Variants in AUTS2 observed in about 807,000 individuals in gnomAD.
AUTS2 encodes activator of transcription and developmental regulator AUTS2.
In AUTS2, 17 loss-of-function variants were observed where a neutral mutation model predicts 112.4. The ratio of observed to expected loss-of-function variants is 0.15; its 90% CI spans 0.10 to 0.23. AUTS2 has a LOEUF of 0.23. AUTS2 is among the 10% of genes least tolerant of loss of function. AUTS2 has a pLI of 1.00. For missense variants in AUTS2, 1,510 were observed against 1,701.6 expected (o/e 0.89, Z 1.98); for synonymous variants, 751 against 702.7 (o/e 1.07, Z -1.09).
In AUTS2 at chr7:69,745,006, TGAGAG is replaced by T. The variant is rs574805814; in HGVS notation, c.309+145050_309+145054del. ...TGCTGCAGTCCATTTGGCTGCTTCT[TGAGAG>T]GAGAGTCGTGGACCCCCTGAGGCCT... On this transcript the variant is annotated intron_variant, in intron 1 of 18. Transcript: ENST00000342771. Among the ~76,000 whole-genome samples the T allele has an allele frequency of 4.7e-3, 722 of 152,316 alleles. 2 individuals carry two copies. The highest frequency in any genetic ancestry group is 6.9e-3 in the Admixed American group (105 of 15,288).
chr7:70,012,571 C>T (rs1799853937), intron 2 of AUTS2, among the ~76,000 whole-genome samples: 1 of 152,140 alleles, frequency 6.6e-6, no homozygotes, highest in Non-Finnish European at 1.5e-5. Context: ...CTTATTTCCT[C>T]ATCTCTTTTT....
chr7:69,700,965 A>G (rs139570085), intron 1 of AUTS2, among the ~76,000 whole-genome samples: 26 of 152,320 alleles, frequency 1.7e-4, no homozygotes, highest in African/African-American at 6.0e-4. Context: ...CATGCCTTGA[A>G]GCTTTGTGTC....
At chr7:69,742,147 T>G (rs1242331192) in intron 1 of AUTS2, among the ~76,000 whole-genome samples, 1 of 147,316 alleles carries the variant, frequency 6.8e-6, no homozygotes, top group Non-Finnish European at 1.5e-5. Flanking sequence ...GGAGGGCAGA[T>G]GGTCTTTTAG....
chr7:70,052,329 A>C (rs1482080262), intron 2 of AUTS2, among the ~76,000 whole-genome samples: 2 of 152,098 alleles, frequency 1.3e-5, no homozygotes, highest in Non-Finnish European at 2.9e-5. Flanking sequence ...TTTCCTAGGT[A>C]ATTGGTTCTA....
At chr7:70,180,302 T>G (rs1809228187) in intron 4 of AUTS2, among the ~76,000 whole-genome samples, 1 of 152,208 alleles carries the variant, frequency 6.6e-6, no homozygotes, top group African/African-American at 2.4e-5. Flanking sequence ...TGGAAGAAAA[T>G]ACTTTATCAT....
intron 1 of AUTS2, among the ~76,000 whole-genome samples, chr7:69,779,050 TAAAAAAA>T (rs1554368326): frequency 3.5e-5 from 3 of 86,578 alleles, no homozygotes; most frequent in Admixed American, 1.3e-4. Flanking sequence ...TTTTTTTTTT[TAAAAAAA>T]AAAAAAAAAA....
chr7:70,259,164 G>A (rs1310307487), intron 4 of AUTS2, among the ~76,000 whole-genome samples: 2 of 152,170 alleles, frequency 1.3e-5, no homozygotes, highest in African/African-American at 2.4e-5. Context: ...TTCTGTCCAC[G>A]ATGCGAGCAT....
At chr7:70,032,078 A>G (rs913759078) in intron 2 of AUTS2, among the ~76,000 whole-genome samples, 2 of 152,176 alleles carry the variant, frequency 1.3e-5, no homozygotes, top group African/African-American at 4.8e-5. Context: ...AGTTCTTCTC[A>G]TAGTGGGTCA....
intron 5 of AUTS2, among the ~76,000 whole-genome samples, chr7:70,472,454 C>CA (rs1797427420): frequency 4.0e-5 from 6 of 151,492 alleles, no homozygotes; most frequent in Non-Finnish European, 8.8e-5. Flanking sequence ...GCCAAGAGCT[C>CA]TACCCAGTTG....
chr7:70,550,233 G>C (rs73177735), intron 5 of AUTS2, among the ~76,000 whole-genome samples: 5 of 152,184 alleles, frequency 3.3e-5, no homozygotes, highest in Non-Finnish European at 7.3e-5. Flanking sequence ...AGCAAGCCAA[G>C]ACTCCAGTGA....
chr7:70,356,397 T>C (rs1388595359), intron 4 of AUTS2, among the ~76,000 whole-genome samples: 1 of 152,234 alleles, frequency 6.6e-6, no homozygotes, highest in Non-Finnish European at 1.5e-5. Context: ...TAATAATACA[T>C]TTTATTGCCT....
intron 1 of AUTS2, among the ~76,000 whole-genome samples, chr7:69,703,235 G>A (rs1056188529): frequency 2.6e-5 from 4 of 152,058 alleles, no homozygotes; most frequent in South Asian, 2.1e-4. Context: ...TTAATCTGTG[G>A]TTTGCTGCTG....
At chr7:70,604,035 A>G (rs1803606862) in intron 5 of AUTS2, among the ~76,000 whole-genome samples, 1 of 152,172 alleles carries the variant, frequency 6.6e-6, no homozygotes, top group Non-Finnish European at 1.5e-5. Context: ...CCTGGCCCAC[A>G]ATACAAACAC....
chr7:70,036,432 C>T (rs1425612314), intron 2 of AUTS2, among the ~76,000 whole-genome samples: 2 of 152,202 alleles, frequency 1.3e-5, no homozygotes, highest in East Asian at 1.9e-4. Context: ...TAGTGTATTA[C>T]ACCTAAAGTG....
At chr7:69,657,719 A>G (rs1375901025) in intron 1 of AUTS2, among the ~76,000 whole-genome samples, 1 of 152,194 alleles carries the variant, frequency 6.6e-6, no homozygotes, top group Non-Finnish European at 1.5e-5. Flanking sequence ...CTAGAATTGC[A>G]TTAGTTTGTT....
intron 1 of AUTS2, among the ~76,000 whole-genome samples, chr7:69,756,059 C>G (rs926040779): frequency 1.3e-5 from 2 of 152,220 alleles, no homozygotes; most frequent in East Asian, 3.9e-4. Flanking sequence ...ACAAGTAACA[C>G]TGGCATTGTG....
chr7:70,385,610 C>T (rs964362108), intron 4 of AUTS2, among the ~76,000 whole-genome samples: 1 of 152,160 alleles, frequency 6.6e-6, no homozygotes, highest in Non-Finnish European at 1.5e-5. Context: ...CAGGTGTGCA[C>T]CTGCAGTCCC....
chr7:69,895,981 G>A (rs1298902566), intron 1 of AUTS2, among the ~76,000 whole-genome samples: 2 of 152,138 alleles, frequency 1.3e-5, no homozygotes, highest in Non-Finnish European at 2.9e-5. Context: ...TACCCTGTGG[G>A]GAGTTTTTAT....
chr7:70,678,702 A>G (rs929344640), intron 5 of AUTS2, among the ~76,000 whole-genome samples: 1 of 152,214 alleles, frequency 6.6e-6, no homozygotes, highest in African/African-American at 2.4e-5. Context: ...TGCTAAAGCA[A>G]GTAAGTGCCT....
Sources: gnomAD v4.1 joint callset for allele counts (sites outside exome capture counted in the v4.1 genomes callset) on GRCh38, gnomAD v4.1.1 for gene constraint, MANE v1.5 for transcripts, NCBI Gene and HGNC (gene_info 2026-07-23, HGNC 2026-07-21) for gene names.